Variants in GNG2 observed in about 807,000 individuals in gnomAD.
GNG2 encodes the protein guanine nucleotide-binding protein G(I)/G(S)/G(O) subunit gamma-2.
A neutral mutation model predicts 5.5 loss-of-function variants in GNG2; 5 were observed. That is an observed-to-expected ratio of 0.91 (90% CI 0.48 to 1.92). The LOEUF is 1.92. Among genes scored for constraint, GNG2 ranks in the 30% most tolerant of loss-of-function variants. The probability of loss-of-function intolerance (pLI) is 0.01; values close to 1 mark genes in which losing one functional copy is unlikely to be tolerated. For synonymous variants in GNG2, 28 were observed against 32.0 expected, an observed-to-expected ratio of 0.88 and a Z score of 0.42; for missense variants, 55 against 88.4, an observed-to-expected ratio of 0.62 and a Z score of 1.52.
At chr14:51,940,936 TTC>T (rs1409966520) in intron 2 of GNG2, among the ~76,000 whole-genome samples, 3 of 152,152 alleles carry the variant, frequency 2.0e-5, no homozygotes, top group Non-Finnish European at 4.4e-5. Flanking sequence ...TTCACTAGAG[TTC>T]TGTTTGTGAA....
intron 2 of GNG2, among the ~76,000 whole-genome samples, chr14:51,894,954 C>T (rs954694787): frequency 4.6e-5 from 7 of 151,578 alleles, no homozygotes; most frequent in African/African-American, 1.5e-4. Flanking sequence ...AACATAGCCT[C>T]AGTATCCAAA....
At chr14:51,882,444 TG>T (rs1018175823) in intron 2 of GNG2, among the ~76,000 whole-genome samples, 1 of 152,212 alleles carries the variant, frequency 6.6e-6, no homozygotes, top group African/African-American at 2.4e-5. Context: ...GTTCCATTAC[TG>T]GGAACAGATA....
chr14:51,853,176 G>T (rs1881991116), intron 2 of GNG2, among the ~76,000 whole-genome samples: 2 of 152,158 alleles, frequency 1.3e-5, no homozygotes. Flanking sequence ...TTCTTCCATA[G>T]GACCTAATTG....
chr14:51,867,903 T>G (rs116412105), intron 1 of GNG2, among the ~76,000 whole-genome samples: 236 of 152,318 alleles, frequency 1.5e-3, no homozygotes, highest in African/African-American at 2.9e-3. Flanking sequence ...CTGCATAATT[T>G]TTTTTTTTGA....
chr14:51,850,237 C>A (rs1881843233), intron 2 of GNG2, among the ~76,000 whole-genome samples: 1 of 152,102 alleles, frequency 6.6e-6, no homozygotes, highest in South Asian at 2.1e-4. Flanking sequence ...ATTTTAGAAG[C>A]AAGTTTTCAT....
chr14:51,840,229 G>A (rs1881446047), intron 2 of GNG2, among the ~76,000 whole-genome samples: 1 of 152,176 alleles, frequency 6.6e-6, no homozygotes, highest in African/African-American at 2.4e-5. Context: ...ATGACACTTT[G>A]TCTTCTCCTT....
intron 2 of GNG2, among the ~76,000 whole-genome samples, chr14:51,944,590 A>G (rs533408372): frequency 1.2e-4 from 19 of 152,290 alleles, no homozygotes; most frequent in Admixed American, 1.2e-3. Flanking sequence ...TGATGGAAAA[A>G]CTGGATATCC....
Position 51,877,619 on chromosome 14 carries a change from A to G in GNG2, c.-68A>G, listed in dbSNP as rs1883761432. On this transcript the variant is annotated splice_region_variant and 5_prime_UTR_variant, in exon 2 of 4. Coordinates refer to ENST00000556766, the MANE Select transcript of GNG2 (RefSeq NM_053064.5). ...TTTTCTCTCTGCTTTCTCAACAGCC[A>G]GATCTGCCAGTGAGCCTCAGGCTTT... 1 of 456,096 alleles carries G rather than the reference A, an allele frequency of 2.2e-6. No individual in the cohort carries two copies. The highest frequency in any genetic ancestry group is 2.4e-5 in the Admixed American group (1 of 42,516). 28.3% of individuals were successfully genotyped at this position (456,096 alleles called of 1,614,324 possible). A position where few individuals can be genotyped will look rare whatever the true frequency, so the allele number is the denominator to read the frequency against.
In GNG2 at chr14:51,969,150, C is replaced by A. The variant is rs1377890761; in HGVS notation, c.*2463C>A. On this transcript the variant is annotated 3_prime_UTR_variant, in exon 4 of 4. Coordinates refer to ENST00000556766, the MANE Select transcript of GNG2 (RefSeq NM_053064.5). ...AGCATAATTTTATCTTAAGGAATAACTAATAGGAAAAGTCAGCTTAATTAT... is the reference window on the plus strand; with the variant it reads ...AGCATAATTTTATCTTAAGGAATAAATAATAGGAAAAGTCAGCTTAATTAT... 2.0e-5 allele frequency: 3 copies of A among 152,100 alleles called. No individual in the cohort carries two copies. The highest frequency in any genetic ancestry group is 7.2e-5 in the African/African-American group (3 of 41,438). The allele number at this position is 152,100 out of a possible 1,614,324, so 9.4% of individuals were successfully genotyped here.
At chr14:51,893,527 C>A (rs1268333872) in intron 2 of GNG2, among the ~76,000 whole-genome samples, 1 of 152,094 alleles carries the variant, frequency 6.6e-6, no homozygotes, top group Admixed American at 6.5e-5. Flanking sequence ...ATTTCTTTCC[C>A]AGCCCATCAT....
chr14:51,903,554 G>C (rs1885700170), intron 2 of GNG2, among the ~76,000 whole-genome samples: 1 of 152,086 alleles, frequency 6.6e-6, no homozygotes, highest in African/African-American at 2.4e-5. Context: ...TCTGTTTTTG[G>C]GTTATTGTAT....
chr14:51,851,772 A>G (rs1881919314), intron 2 of GNG2, among the ~76,000 whole-genome samples: 1 of 152,156 alleles, frequency 6.6e-6, no homozygotes, highest in Admixed American at 6.5e-5. Flanking sequence ...TCTTTTCTCT[A>G]GTGGTGCCTT....
intron 3 of GNG2, among the ~76,000 whole-genome samples, chr14:51,957,260 A>C (rs1309008497): frequency 6.6e-6 from 1 of 152,116 alleles, no homozygotes. Context: ...TTCCATTATC[A>C]TACAAACATG....
intron 2 of GNG2, among the ~76,000 whole-genome samples, chr14:51,905,912 T>C (rs923244649): frequency 7.2e-5 from 11 of 152,368 alleles, no homozygotes; most frequent in Admixed American, 5.9e-4. Context: ...ATGCCGTTAT[T>C]GTAAATTTCC....
At chr14:51,885,128 TG>T (rs960012310) in intron 2 of GNG2, among the ~76,000 whole-genome samples, 1 of 152,216 alleles carries the variant, frequency 6.6e-6, no homozygotes, top group African/African-American at 2.4e-5. Flanking sequence ...TCCCATGTTT[TG>T]CCCAAGCTAA....
At chr14:51,832,498 A>G (rs1393605683) in intron 2 of GNG2, among the ~76,000 whole-genome samples, 1 of 152,220 alleles carries the variant, frequency 6.6e-6, no homozygotes, top group East Asian at 1.9e-4. Context: ...AGCAAAAATT[A>G]TTCTCTCTCA....
chr14:51,931,794 A>G (rs1427936647), intron 2 of GNG2, among the ~76,000 whole-genome samples: 1 of 152,220 alleles, frequency 6.6e-6, no homozygotes, highest in Non-Finnish European at 1.5e-5. Flanking sequence ...CAAAAAAGTT[A>G]AAAATAGAAC....
At chr14:51,961,733 G>A (rs1472667545) in intron 3 of GNG2, among the ~76,000 whole-genome samples, 2 of 152,150 alleles carry the variant, frequency 1.3e-5, no homozygotes, top group Non-Finnish European at 2.9e-5. Flanking sequence ...TTGAGGAGAT[G>A]AAGAGAACAA....
chr14:51,838,802 G>A (rs1199310835), intron 2 of GNG2, among the ~76,000 whole-genome samples: 2 of 152,132 alleles, frequency 1.3e-5, no homozygotes, highest in African/African-American at 4.8e-5. Flanking sequence ...TACTCAAGAG[G>A]CTAAGGTGAG....
Sources: allele counts gnomAD v4.1 joint callset (sites outside exome capture counted in the v4.1 genomes callset), GRCh38; gene constraint gnomAD v4.1.1; transcripts MANE v1.5; gene names NCBI Gene and HGNC (gene_info 2026-07-23, HGNC 2026-07-21).